Variants in ADAM2 observed in about 807,000 individuals in gnomAD.
The protein encoded by ADAM2 is disintegrin and metalloproteinase domain-containing protein 2.
In ADAM2, 101 loss-of-function variants were observed where a neutral mutation model predicts 99.3. The observed-to-expected ratio is 1.02, with a 90% CI of 0.87 to 1.20. The LOEUF (loss-of-function observed/expected upper bound fraction) is 1.20. Ranked by LOEUF, ADAM2 falls within the 50% of genes most tolerant of loss-of-function variation. ADAM2 has a pLI of 0.00. For missense variants in ADAM2, 948 were observed against 878.7 expected, an observed-to-expected ratio of 1.08 and a Z score of -1.00; for synonymous variants, 323 against 287.6, an observed-to-expected ratio of 1.12 and a Z score of -1.25.
At chr8:39,762,186 G>A (rs1802397388) in intron 14 of ADAM2, among the ~76,000 whole-genome samples, 1 of 152,170 alleles carries the variant, frequency 6.6e-6, no homozygotes, top group African/African-American at 2.4e-5. Context: ...TCTTTGACAG[G>A]GAGACTTAAC....
intron 3 of ADAM2, among the ~76,000 whole-genome samples, chr8:39,827,744 G>T (rs1805467585): frequency 6.6e-6 from 1 of 152,078 alleles, no homozygotes; most frequent in Admixed American, 6.5e-5. Context: ...GAAAATGGGA[G>T]ATGATGGTTA....
chr8:39,836,972 T>G (rs1484074708), intron 2 of ADAM2, among the ~76,000 whole-genome samples, 164 bp downstream of exon 2: 1 of 152,228 alleles, frequency 6.6e-6, no homozygotes, highest in Non-Finnish European at 1.5e-5. Flanking sequence ...TGTGAAACAT[T>G]GTTGATCCTG....
chr8:39,808,579 T>G (rs1292698190), intron 7 of ADAM2, among the ~76,000 whole-genome samples: 2 of 152,174 alleles, frequency 1.3e-5, no homozygotes, highest in African/African-American at 4.8e-5. Context: ...TGGTCTTAAA[T>G]GGAAATTCAA....
intron 16 of ADAM2, among the ~76,000 whole-genome samples, chr8:39,753,049 G>C (rs377761357): frequency 1.3e-5 from 2 of 152,294 alleles, no homozygotes; most frequent in South Asian, 2.1e-4. Context: ...AGCGATTTTG[G>C]AACTGGGTAA....
In ADAM2 at chr8:39,821,167, G is replaced by C. The variant is rs756189613; in HGVS notation, c.348C>G (p.Gly116=). 1.3e-6 allele frequency: 2 copies of C among 1,561,652 alleles called. No individual in the cohort carries two copies. Among genetic ancestry groups the C allele is most frequent in the Non-Finnish European group, 8.6e-7 (1 of 1,159,828 alleles). Residue 116 remains glycine, a synonymous_variant, in exon 6 of 21, where the codon GGC becomes GGG. Coordinates refer to ENST00000265708, the MANE Select transcript of ADAM2 (RefSeq NM_001464.5). ...AACTAACATTTTCAAACTGTAGTAC[G>C]CCCCTAAAAATTTCAAAAAAAAATT... The part of the protein sequence containing the change: ...VMVSTCTGLR[G]VLQFENVSYG...
intron 10 of ADAM2, among the ~76,000 whole-genome samples, chr8:39,781,456 C>G (rs530758426): frequency 6.6e-6 from 1 of 152,246 alleles, no homozygotes; most frequent in South Asian, 2.1e-4. Flanking sequence ...TTTACTTGCA[C>G]TTTAGCTTCA....
Position 39,755,743 on chromosome 8 carries a change from A to G in ADAM2, c.1782T>C (p.Ser594=), listed in dbSNP as rs145143599. ...SQKMWIKDGT[S]CGSNKVCRNQ... Reference sequence around the variant, plus strand: ...GACTACCTACCTTATTTGAACCACAAGAAGTTCCATCTTTTATCCACATCT... The same window carrying G: ...GACTACCTACCTTATTTGAACCACAGGAAGTTCCATCTTTTATCCACATCT... The change falls in exon 16 of 21, where the codon TCT becomes TCC. Residue 594 remains serine (S), a synonymous_variant. Transcript: ENST00000265708. The G allele has an allele frequency of 1.0e-3, 1,618 of 1,612,500 alleles. 17 individuals carry two copies. The African/African-American group carries it at 0.02, about 20-fold the overall frequency.
intron 15 of ADAM2, among the ~76,000 whole-genome samples, chr8:39,760,187 A>G (rs1802295272): frequency 6.6e-6 from 1 of 152,208 alleles, no homozygotes; most frequent in Non-Finnish European, 1.5e-5. Context: ...AATTTACAAA[A>G]TAATAGTAAC....
Position 39,812,054 on chromosome 8 carries a change from T to C in ADAM2, c.514-2588A>G, listed in dbSNP as rs559662930. On this transcript the variant is annotated intron_variant, in intron 6 of 20. Transcript: ENST00000265708. ...CCATCATCTCAGCCTAAAATCTCCT[T>C]AAGCTGATAAGCAACTTCAGCAAAG... Among the ~76,000 whole-genome samples the C allele has an allele frequency of 7.2e-4, 110 of 152,302 alleles. 1 individual carries two copies. The highest frequency in any genetic ancestry group is 8.8e-5 in the Non-Finnish European group (6 of 68,024).
In ADAM2 at chr8:39,769,416, C is replaced by T. The variant is rs1404424961; in HGVS notation, c.1188G>A (p.Glu396=). ...VCGNAKLEAG[E]ECDCGTEQDC... ...CCTGTTCAGTCCCACAGTCACACTC[C>T]TCTCCTGCTTCCAGCTTTGCATTAC... Residue 396 remains glutamate, a synonymous_variant, in exon 12 of 21, where the codon GAG becomes GAA. Coordinates refer to ENST00000265708, the MANE Select transcript of ADAM2 (RefSeq NM_001464.5). 6.2e-7 allele frequency: 1 copy of T among 1,613,906 alleles called. No homozygotes were observed. Among genetic ancestry groups the T allele is most frequent in the African/African-American group, 1.3e-5 (1 of 75,040 alleles).
rs1007766972 is a variant in ADAM2, at chr8:39,787,980, A to G, written c.809+105T>C. On this transcript the variant is annotated intron_variant, in intron 9 of 20. Coordinates refer to ENST00000265708, the MANE Select transcript of ADAM2 (RefSeq NM_001464.5). ...AAAATATTTACATGGCGTGTGTGAGAAAAAAATAGATTTTTTTAATACACA... is the reference window on the plus strand; with the variant it reads ...AAAATATTTACATGGCGTGTGTGAGGAAAAAATAGATTTTTTTAATACACA... The G allele has an allele frequency of 1.8e-5, 13 of 735,242 alleles. No individual in the cohort carries two copies. The African/African-American group carries it at 2.4e-4, about 14-fold the overall frequency. The allele number at this position is 735,242 out of a possible 1,614,324, so 45.5% of individuals were successfully genotyped here. A position where few individuals can be genotyped will look rare whatever the true frequency, so the allele number is the denominator to read the frequency against.
intron 15 of ADAM2, among the ~76,000 whole-genome samples, chr8:39,760,882 CAAAAAAAAAAAAAA>C (rs58386097): frequency 5.0e-5 from 3 of 60,182 alleles, no homozygotes; most frequent in Admixed American, 2.6e-4. Context: ...GACTCCATCT[CAAAAAAAAAAAAAA>C]AAAAAAAAAA....
At position 39,749,061 on chromosome 8, in the gene ADAM2, C is replaced by T. The variant is rs1823593307; in HGVS notation, c.2014+251G>A. On this transcript the variant is annotated intron_variant, in intron 18 of 20. Coordinates refer to ENST00000265708, the MANE Select transcript of ADAM2 (RefSeq NM_001464.5). The stretch of plus-strand genomic sequence containing the variant: ...CCGGATGCCTTACACGGTGTTCTTT[C>T]TGTTTGAAAGACTAAAGTGATTTCT... Among the ~76,000 whole-genome samples the T allele has an allele frequency of 2.6e-5, 4 of 152,006 alleles. No homozygotes were observed. The South Asian group carries it at 8.3e-4, about 31-fold the overall frequency.
At chr8:39,792,775 A>G (rs1803774198) in intron 7 of ADAM2, among the ~76,000 whole-genome samples, 1 of 152,146 alleles carries the variant, frequency 6.6e-6, no homozygotes, top group Admixed American at 6.6e-5. Flanking sequence ...CCAGCCTCTG[A>G]CTATAAGTTA....
chr8:39,823,522 C>G (rs568467118), intron 4 of ADAM2, among the ~76,000 whole-genome samples: 13 of 151,200 alleles, frequency 8.6e-5, no homozygotes, highest in African/African-American at 2.9e-4. Context: ...TTGTAGCATT[C>G]TTGCTTGTTT....
intron 15 of ADAM2, among the ~76,000 whole-genome samples, chr8:39,760,698 G>A (rs553918444): frequency 5.3e-5 from 8 of 151,652 alleles, no homozygotes; most frequent in African/African-American, 1.5e-4. Flanking sequence ...TCCAGCCTGG[G>A]GGAGAGAGTG....
intron 8 of ADAM2, 88 bp downstream of exon 8, chr8:39,788,581 C>G (rs555565025): frequency 2.3e-6 from 2 of 854,454 alleles, no homozygotes; most frequent in East Asian, 2.8e-5. Flanking sequence ...TGCCACACAA[C>G]GTGTGGATTC....
At chr8:39,802,597 T>C (rs928341471) in intron 7 of ADAM2, among the ~76,000 whole-genome samples, 1 of 152,186 alleles carries the variant, frequency 6.6e-6, no homozygotes, top group Non-Finnish European at 1.5e-5. Context: ...TTGGAATCAC[T>C]AAAAACGAAA....
In ADAM2 at chr8:39,766,866, T is replaced by C. The variant is rs1802584936; in HGVS notation, c.1489A>G (p.Thr497Ala). The change falls in exon 14 of 21, where the codon ACA becomes GCA. Residue 497 changes from threonine to alanine, a missense_variant. Physicochemically the swap from Thr to Ala is moderately conservative, Grantham distance 58. Transcript: ENST00000265708. ...TAAATACCTTTGCCAAATGTGTCTG[T>C]ACATTGTTTATCCCCACTCATACAA... ...GVCMSGDKQC[T>A]DTFGKEVEFG... is the part of the protein sequence containing the mutation. 1 of 1,603,602 alleles carries C rather than the reference T, an allele frequency of 6.2e-7. No homozygotes were observed. The highest frequency in any genetic ancestry group is 1.1e-5 in the South Asian group (1 of 89,936).
Sources: gnomAD v4.1 joint callset for allele counts (sites outside exome capture counted in the v4.1 genomes callset) on GRCh38, gnomAD v4.1.1 for gene constraint, MANE v1.5 for transcripts, NCBI Gene and HGNC (gene_info 2026-07-23, HGNC 2026-07-21) for gene names.